Variants in PLEKHG7 observed in about 807,000 individuals in gnomAD.
The protein encoded by PLEKHG7 is pleckstrin homology and RhoGEF domain containing G7, also known as pleckstrin homology domain-containing family G member 7.
PLEKHG7 carries 77 observed loss-of-function variants against 85.2 expected under a neutral mutation model. The ratio of observed to expected loss-of-function variants is 0.90; its 90% CI spans 0.75 to 1.09. The LOEUF is 1.09. PLEKHG7 is among the 50% of genes least tolerant of loss of function. PLEKHG7 has a pLI of 0.00. For synonymous variants in PLEKHG7, 301 were observed against 302.4 expected, an observed-to-expected ratio of 1.00 and a Z score of 0.05; for missense variants, 777 against 804.3, an observed-to-expected ratio of 0.97 and a Z score of 0.41.
chr12:92,771,290 G>A lies in PLEKHG7; in HGVS notation c.*1095G>A, dbSNP rs1873422637. On this transcript the variant is annotated 3_prime_UTR_variant, in exon 17 of 17. Coordinates refer to ENST00000344636, the MANE Select transcript of PLEKHG7 (RefSeq NM_001377329.1). Reference sequence around the variant, plus strand: ...GACAACTGAAGCCTTAGCTGATTTTGTTAAGCTGAAGAATGGGGTAGAGAG... The same window carrying A: ...GACAACTGAAGCCTTAGCTGATTTTATTAAGCTGAAGAATGGGGTAGAGAG... 1 of 152,006 alleles carries A rather than the reference G, an allele frequency of 6.6e-6. No homozygotes were observed. Among genetic ancestry groups the A allele is most frequent in the African/African-American group, 2.4e-5 (1 of 41,404 alleles). The allele number at this position is 152,006 out of a possible 1,614,324, so 9.4% of individuals were successfully genotyped here.
chr12:92,741,595 A>T lies in PLEKHG7; in HGVS notation c.1137+3A>T, dbSNP rs748808564. On this transcript the variant is annotated splice_donor_region_variant and intron_variant, in intron 9 of 16. Transcript: ENST00000344636. The stretch of plus-strand genomic sequence containing the variant: ...ATTTTATTTCCGTGCTCACAAAGGT[A>T]AACTCCTTCTGGGAGACCTCAGCTT... 7.5e-6 allele frequency: 12 copies of T among 1,608,680 alleles called. 1 individual carries two copies. The African/African-American group carries it at 1.6e-4, about 22-fold the overall frequency.
Position 92,771,004 on chromosome 12 carries a change from T to TGG in PLEKHG7, c.*810_*811insGG, listed in dbSNP as rs1335836375. Reference sequence around the variant, plus strand: ...ACTTTCTGGTTTTGATTGGTGTGTGTGTGTGTGTGTGTGTGTGTTAGCACA... The same window carrying TGG: ...ACTTTCTGGTTTTGATTGGTGTGTGTGGGTGTGTGTGTGTGTGTGTTAGCACA... On this transcript the variant is annotated 3_prime_UTR_variant, in exon 17 of 17. Transcript: ENST00000344636. The TGG allele has an allele frequency of 6.6e-6, 1 of 151,872 alleles. No homozygotes were observed. The highest frequency in any genetic ancestry group is 2.4e-5 in the African/African-American group (1 of 41,352). The allele number at this position is 151,872 out of a possible 1,614,324, so 9.4% of individuals were successfully genotyped here. A position where few individuals can be genotyped will look rare whatever the true frequency, so the allele number is the denominator to read the frequency against.
chr12:92,740,474 G>T (rs1300414844), intron 7 of PLEKHG7, among the ~76,000 whole-genome samples: 3 of 152,172 alleles, frequency 2.0e-5, no homozygotes, highest in African/African-American at 7.2e-5. Flanking sequence ...TTTTGCAGAA[G>T]AAAGAGCATA....
chr12:92,704,244 G>C (rs894484181), intron 1 of PLEKHG7, among the ~76,000 whole-genome samples: 1 of 151,652 alleles, frequency 6.6e-6, no homozygotes, highest in Non-Finnish European at 1.5e-5. Flanking sequence ...CTGGGCGACA[G>C]AGCCAGACTC....
At chr12:92,761,503 A>C (rs1424313868) in intron 13 of PLEKHG7, among the ~76,000 whole-genome samples, 1 of 151,614 alleles carries the variant, frequency 6.6e-6, no homozygotes, top group Non-Finnish European at 1.5e-5. Flanking sequence ...CGTAATACTC[A>C]CCCAGTTTTG....
At chr12:92,754,022 A>T (rs1872757711) in intron 10 of PLEKHG7, 68 bp from the exon 11 acceptor site, 1 of 1,520,726 alleles carries the variant, frequency 6.6e-7, no homozygotes, top group African/African-American at 1.4e-5. Context: ...AACCTCTCAT[A>T]TCCAGGCTTC....
At chr12:92,708,107 C>T (rs1482044985) in intron 3 of PLEKHG7, 4 of 174,294 alleles carry the variant, frequency 2.3e-5, no homozygotes, top group African/African-American at 9.5e-5. Context: ...CAGACTGTGC[C>T]CTTATCCAGA....
chr12:92,741,275 TAAAAG>T (rs1872347122), intron 8 of PLEKHG7, among the ~76,000 whole-genome samples: 1 of 152,254 alleles, frequency 6.6e-6, no homozygotes, highest in African/African-American at 2.4e-5. Flanking sequence ...TTTTTCCTCT[TAAAAG>T]TAAAGGAAGA....
At chr12:92,703,241 A>C in intron 1 of PLEKHG7, 109 bp downstream of exon 1, 1 of 152,178 alleles carries the variant, frequency 6.6e-6, no homozygotes, top group East Asian at 1.9e-4. Flanking sequence ...GTCTCATTAG[A>C]ATTAGTGAAT....
chr12:92,737,556 A>C (rs548557184), intron 7 of PLEKHG7, 35 bp downstream of exon 7: 107 of 1,593,744 alleles, frequency 6.7e-5, no homozygotes, highest in Non-Finnish European at 8.7e-5. Context: ...GTAGATGGAA[A>C]ATATTAATTT....
chr12:92,763,447 G>A (rs371179368), intron 14 of PLEKHG7, among the ~76,000 whole-genome samples: 22 of 152,244 alleles, frequency 1.4e-4, no homozygotes, highest in East Asian at 1.2e-3. Context: ...TCCCATTGAC[G>A]TGAGGGTGAT....
At chr12:92,715,038 A>AGAT (rs1871441068) in intron 3 of PLEKHG7, among the ~76,000 whole-genome samples, 2 of 151,890 alleles carry the variant, frequency 1.3e-5, no homozygotes, top group African/African-American at 4.8e-5. Context: ...ATAGATAGAT[A>AGAT]GATAGATAGA....
chr12:92,718,183 G>C (rs560753005), intron 3 of PLEKHG7, among the ~76,000 whole-genome samples: 1 of 152,150 alleles, frequency 6.6e-6, no homozygotes, highest in Admixed American at 6.5e-5. Context: ...GGGCTTTAAG[G>C]CTTGTTGGAC....
intron 10 of PLEKHG7, among the ~76,000 whole-genome samples, chr12:92,753,281 C>T (rs1872741051): frequency 6.6e-6 from 1 of 152,114 alleles, no homozygotes; most frequent in African/African-American, 2.4e-5. Context: ...GTCCATGCCT[C>T]ATTTGCCACC....
Position 92,756,292 on chromosome 12 carries a change from TA to T in PLEKHG7, c.1543-5del. On this transcript the variant is annotated splice_polypyrimidine_tract_variant and splice_region_variant and intron_variant, in intron 12 of 16. Coordinates refer to ENST00000344636, the MANE Select transcript of PLEKHG7 (RefSeq NM_001377329.1). ...ATCTCTTTTATTTTCTCGCTTGTTT[TA>T]CAAGTGTTTGAAACACATTTTTAAA... 6.3e-7 allele frequency: 1 copy of T among 1,594,262 alleles called. No individual in the cohort carries two copies. Among genetic ancestry groups the T allele is most frequent in the Non-Finnish European group, 8.6e-7 (1 of 1,162,500 alleles).
chr12:92,751,988 G>T (rs1263682039), intron 10 of PLEKHG7, among the ~76,000 whole-genome samples: 1 of 151,702 alleles, frequency 6.6e-6, no homozygotes, highest in Non-Finnish European at 1.5e-5. Flanking sequence ...CTGCACTTCA[G>T]CCTGGGTGAC....
In PLEKHG7 at chr12:92,733,698, A is replaced by C. The variant is rs565452022; in HGVS notation, c.699+1425A>C. 2.0e-5 allele frequency among the ~76,000 whole-genome samples: 3 copies of C among 152,280 alleles called. No individual in the cohort carries two copies. In the East Asian group the frequency reaches 5.8e-4, roughly 29 times the overall value. ...TCCCCCCTAGCCCTCCCGAGGGCTT[A>C]TCTAGGACAGGGAAGCTCTGAGGGC... On this transcript the variant is annotated intron_variant, in intron 5 of 16. Coordinates refer to ENST00000344636, the MANE Select transcript of PLEKHG7 (RefSeq NM_001377329.1).
chr12:92,769,973 CAGTTTT>C, intron 16 of PLEKHG7, 109 bp from the exon 17 acceptor site: 2 of 629,554 alleles, frequency 3.2e-6, no homozygotes, highest in South Asian at 2.3e-5. Flanking sequence ...CATTAGTCTT[CAGTTTT>C]AAAGAGCTGG....
intron 3 of PLEKHG7, among the ~76,000 whole-genome samples, chr12:92,722,650 T>C (rs1871680475): frequency 1.3e-5 from 2 of 152,212 alleles, no homozygotes; most frequent in African/African-American, 4.8e-5. Flanking sequence ...GTATCCCAGA[T>C]GAGCAAAATG....
Sources: allele counts gnomAD v4.1 joint callset (sites outside exome capture counted in the v4.1 genomes callset), GRCh38; gene constraint gnomAD v4.1.1; transcripts MANE v1.5; gene names NCBI Gene and HGNC (gene_info 2026-07-23, HGNC 2026-07-21).